The following INPP5B variants were observed in gnomAD, a reference collection of about 807,000 sequenced individuals.
The protein encoded by INPP5B is type II inositol 1,4,5-trisphosphate 5-phosphatase.
Under a neutral mutation model 118.5 loss-of-function variants are expected in INPP5B, and 90 were observed. That is an observed-to-expected ratio of 0.76 (90% CI 0.64 to 0.90). The LOEUF (loss-of-function observed/expected upper bound fraction) is 0.90, where lower values mean the gene tolerates loss of function less well. Among genes scored for constraint, INPP5B ranks in the 40% least tolerant of loss-of-function variants. The probability of loss-of-function intolerance (pLI) is 0.00; values close to 1 mark genes in which losing one functional copy is unlikely to be tolerated. For missense variants in INPP5B, 984 were observed against 1,125.6 expected (o/e 0.87, Z 1.80); for synonymous variants, 385 against 418.9 (o/e 0.92, Z 0.99).
chr1:37,895,648 G>A (rs1057464158), intron 7 of INPP5B, among the ~76,000 whole-genome samples: 7 of 151,944 alleles, frequency 4.6e-5, no homozygotes, highest in African/African-American at 1.2e-4. Flanking sequence ...GAGTGCCTGC[G>A]ATTGCAGGCG....
At chr1:37,940,603 G>A in intron 6 of INPP5B, 85 bp downstream of exon 6, 1 of 781,920 alleles carries the variant, frequency 1.3e-6, no homozygotes, top group Non-Finnish European at 2.2e-6. Context: ...TGGGGTAAGA[G>A]TCCAAAGGGT....
intron 7 of INPP5B, among the ~76,000 whole-genome samples, chr1:37,906,828 C>G (rs2148586348): frequency 6.7e-6 from 1 of 149,810 alleles, no homozygotes; most frequent in African/African-American, 2.5e-5. Context: ...CCACTGCCCT[C>G]CAGCTTGGGC....
At chr1:37,883,413 G>C (rs1643327851) in intron 13 of INPP5B, 1 of 985,292 alleles carries the variant, frequency 1.0e-6, no homozygotes, top group Non-Finnish European at 1.2e-6. Context: ...GATTTAACCA[G>C]CAGTATATCA....
In INPP5B at chr1:37,866,018, A is replaced by G. The variant is rs1642007762; in HGVS notation, c.2387-130T>C. 9.1e-6 allele frequency: 13 copies of G among 1,434,980 alleles called. No homozygotes were observed. The South Asian group carries it at 1.7e-4, about 19-fold the overall frequency. 88.9% of individuals were successfully genotyped at this position (1,434,980 alleles called of 1,614,324 possible). The stretch of plus-strand genomic sequence containing the variant: ...CTGCTCAGGGCTAGGATGCCAGCCT[A>G]ACTTCTCGAAGGGACCACACTGTTT... On this transcript the variant is annotated intron_variant, in intron 21 of 23. Coordinates refer to ENST00000373024, the MANE Select transcript of INPP5B (RefSeq NM_005540.3).
chr1:37,895,797 A>T (rs1433001780), intron 7 of INPP5B, among the ~76,000 whole-genome samples: 4 of 152,178 alleles, frequency 2.6e-5, no homozygotes, highest in Non-Finnish European at 4.4e-5. Flanking sequence ...TTGCAGACGG[A>T]GTCTCGTTCA....
At chr1:37,864,273 G>T in intron 23 of INPP5B, 39 bp downstream of exon 23, 1 of 1,166,040 alleles carries the variant, frequency 8.6e-7, no homozygotes, top group Non-Finnish European at 1.3e-6. Context: ...GAGTCTCTCA[G>T]TTTGCAGAAA....
At chr1:37,887,036 AT>A (rs1643580743) in intron 11 of INPP5B, 32 bp from the exon 12 acceptor site, 1 of 1,579,214 alleles carries the variant, frequency 6.3e-7, no homozygotes, top group Non-Finnish European at 8.7e-7. Flanking sequence ...TTAAATAGAA[AT>A]TGCAAACAGG....
chr1:37,943,102 G>A (rs1329946167), intron 5 of INPP5B, among the ~76,000 whole-genome samples: 12 of 151,994 alleles, frequency 7.9e-5, no homozygotes, highest in Admixed American at 6.6e-4. Flanking sequence ...CCAGGTTCAA[G>A]CAATTCTCCT....
intron 23 of INPP5B, among the ~76,000 whole-genome samples, chr1:37,863,562 G>A (rs1040585670): frequency 1.3e-5 from 2 of 151,388 alleles, no homozygotes; most frequent in Non-Finnish European, 2.9e-5. Flanking sequence ...AGTGGCAAGC[G>A]CCTATAATCC....
intron 18 of INPP5B, 65 bp downstream of exon 18, chr1:37,873,928 T>G: frequency 7.8e-7 from 1 of 1,280,792 alleles, no homozygotes; most frequent in Non-Finnish European, 1.0e-6. Context: ...TTTAGGAAAA[T>G]GAGCAAATAT....
chr1:37,912,215 T>G (rs1338080465), intron 7 of INPP5B, among the ~76,000 whole-genome samples: 2 of 152,136 alleles, frequency 1.3e-5, no homozygotes, highest in Non-Finnish European at 2.9e-5. Flanking sequence ...ACAACCTCCA[T>G]GGACTGGACC....
chr1:37,897,010 C>T (rs867823844), intron 7 of INPP5B, among the ~76,000 whole-genome samples: 61 of 138,924 alleles, frequency 4.4e-4, no homozygotes, highest in African/African-American at 1.3e-3. Context: ...CCCGGCCAGC[C>T]GCCCCGTCCG....
At chr1:37,904,587 C>T (rs9729851) in intron 7 of INPP5B, among the ~76,000 whole-genome samples, 107,540 of 151,996 alleles carry the variant, frequency 0.71, 37,976 homozygotes, top group East Asian at 0.73. Context: ...AAAAAAATTA[C>T]AAAGGGTTGG....
chr1:37,940,086 A>G (rs545090298), intron 6 of INPP5B, among the ~76,000 whole-genome samples: 29 of 152,166 alleles, frequency 1.9e-4, no homozygotes. Flanking sequence ...GAAGACAGCT[A>G]AAAGTGGTGG....
chr1:37,889,084 C>A (rs1233771088), intron 9 of INPP5B, among the ~76,000 whole-genome samples: 1 of 152,124 alleles, frequency 6.6e-6, no homozygotes, highest in Non-Finnish European at 1.5e-5. Context: ...GCGACCCTGT[C>A]TCTACAAAAA....
intron 17 of INPP5B, among the ~76,000 whole-genome samples, chr1:37,874,910 A>G (rs1642696457): frequency 6.6e-6 from 1 of 152,204 alleles, no homozygotes; most frequent in Non-Finnish European, 1.5e-5. Flanking sequence ...TTCAGACCAT[A>G]TTCAACTTCC....
chr1:37,910,024 C>A (rs1644636432), intron 7 of INPP5B, among the ~76,000 whole-genome samples: 1 of 152,178 alleles, frequency 6.6e-6, no homozygotes, highest in Non-Finnish European at 1.5e-5. Flanking sequence ...GGAAATCAGA[C>A]TGTCCAACTC....
Position 37,888,298 on chromosome 1 carries a change from A to G in INPP5B, c.844T>C (p.Cys282Arg). 6.3e-7 allele frequency: 1 copy of G among 1,580,620 alleles called. No homozygotes were observed. Among genetic ancestry groups the G allele is most frequent in the Middle Eastern group, 1.7e-4 (1 of 5,876 alleles). ...CCATTGCTCAGCCACAGCCGGAGGCATTCTTTGGGGGACTGCCCATTTACA... is the reference window on the plus strand; with the variant it reads ...CCATTGCTCAGCCACAGCCGGAGGCGTTCTTTGGGGGACTGCCCATTTACA... ...YNVNGQSPKE[C>R]LRLWLSNGIQ... Residue 282 changes from cysteine to arginine, a missense_variant, in exon 10 of 24, where the codon TGC becomes CGC. By Grantham distance (180) the Cys-to-Arg change is radical (BLOSUM62 -3). This residue lies in a region of INPP5B where 634 missense variants were observed against 791.0 expected (regional missense o/e 0.80). Coordinates refer to ENST00000373024, the MANE Select transcript of INPP5B (RefSeq NM_005540.3).
At chr1:37,895,009 A>T (rs1003170541) in intron 7 of INPP5B, among the ~76,000 whole-genome samples, 2 of 152,170 alleles carry the variant, frequency 1.3e-5, no homozygotes, top group Admixed American at 6.5e-5. Flanking sequence ...GTTACTTAAT[A>T]ATTATTTCTA....
Sources: allele counts gnomAD v4.1 joint callset (sites outside exome capture counted in the v4.1 genomes callset), GRCh38; gene constraint gnomAD v4.1.1; regional missense constraint gnomAD v4.1.1; transcripts MANE v1.5; gene names NCBI Gene and HGNC (gene_info 2026-07-23, HGNC 2026-07-21).